UHRF1: variants seen among roughly 807,000 people sequenced by gnomAD.
The protein encoded by UHRF1 is ubiquitin like with PHD and ring finger domains 1, also known as E3 ubiquitin-protein ligase UHRF1.
Under a neutral mutation model 96.5 loss-of-function variants are expected in UHRF1, and 9 were observed. The observed-to-expected ratio is 0.09, with a 90% confidence interval of 0.06 to 0.16. The LOEUF is 0.16. UHRF1 is among the 10% of genes least tolerant of loss of function. The pLI, the probability that UHRF1 is intolerant of heterozygous loss-of-function variation, is 1.00. For synonymous variants in UHRF1, 455 were observed against 469.9 expected (o/e 0.97, Z 0.41); for missense variants, 626 against 1,131.1 (o/e 0.55, Z 6.40).
intron 2 of UHRF1, among the ~76,000 whole-genome samples, chr19:4,923,064 T>C (rs977473499): frequency 1.3e-5 from 2 of 151,976 alleles, no homozygotes; most frequent in Non-Finnish European, 2.9e-5. Flanking sequence ...GGCTGCCCAT[T>C]AGCCTGGCCA....
intron 5 of UHRF1, among the ~76,000 whole-genome samples, chr19:4,941,085 GTT>G (rs869250736): frequency 9.4e-4 from 47 of 50,080 alleles, no homozygotes; most frequent in Admixed American, 1.2e-3. Flanking sequence ...TCTGTGTTTT[GTT>G]TTTTTTTTTT....
At chr19:4,948,354 A>G (rs980506772) in intron 11 of UHRF1, among the ~76,000 whole-genome samples, 4 of 152,190 alleles carry the variant, frequency 2.6e-5, no homozygotes, top group Non-Finnish European at 4.4e-5. Context: ...TAAAGCCCAA[A>G]GGAAAAGACA....
intron 16 of UHRF1, among the ~76,000 whole-genome samples, chr19:4,959,254 C>T (rs747208639): frequency 8.8e-5 from 13 of 146,926 alleles, no homozygotes; most frequent in African/African-American, 1.7e-4. Flanking sequence ...CCCTTGAACC[C>T]GGGAGGTGGA....
chr19:4,941,080 GTTTTGT>G (rs1465259460), intron 5 of UHRF1, among the ~76,000 whole-genome samples: 1 of 112,846 alleles, frequency 8.9e-6, no homozygotes, highest in African/African-American at 3.8e-5. Flanking sequence ...TGGTTTCTGT[GTTTTGT>G]TTTTTTTTTT....
chr19:4,947,490 CTTTTTTTTTT>C (rs985069179), intron 11 of UHRF1, among the ~76,000 whole-genome samples: 1,859 of 57,872 alleles, frequency 0.032, 34 homozygotes, highest in South Asian at 0.084. Context: ...TAATAGATAT[CTTTTTTTTTT>C]TTTTTTTTTT....
chr19:4,924,604 A>C (rs2032808630), intron 2 of UHRF1, among the ~76,000 whole-genome samples: 1 of 152,060 alleles, frequency 6.6e-6, no homozygotes, highest in Non-Finnish European at 1.5e-5. Context: ...AAAAATTAAT[A>C]AACTTTATTT....
intron 11 of UHRF1, among the ~76,000 whole-genome samples, 186 bp downstream of exon 11, chr19:4,947,397 C>T (rs185412029): frequency 6.6e-6 from 1 of 151,022 alleles, no homozygotes; most frequent in East Asian, 2.0e-4. Flanking sequence ...GCCACTGCGC[C>T]TGGTCTGGTT....
intron 2 of UHRF1, among the ~76,000 whole-genome samples, chr19:4,918,871 A>G (rs1193392867): frequency 2.0e-5 from 3 of 151,152 alleles, no homozygotes; most frequent in Non-Finnish European, 2.9e-5. Context: ...TAGGCTGTAT[A>G]CTACTATACC....
chr19:4,910,742 G>A, intron 1 of UHRF1, 134 bp from the exon 2 acceptor site: 3 of 1,074,744 alleles, frequency 2.8e-6, no homozygotes, highest in Non-Finnish European at 3.9e-6. Flanking sequence ...GGCTGTACAG[G>A]AGGACTGGAA....
At chr19:4,960,252 A>G (rs2033955239) in intron 16 of UHRF1, among the ~76,000 whole-genome samples, 1 of 152,220 alleles carries the variant, frequency 6.6e-6, no homozygotes, top group African/African-American at 2.4e-5. Context: ...TGTTGTAGAT[A>G]AGATAAGCAC....
At chr19:4,907,027 C>T (rs2032078394), upstream of UHRF1, among the ~76,000 whole-genome samples, 1 of 152,208 alleles carries the variant, frequency 6.6e-6, no homozygotes, top group African/African-American at 2.4e-5. Flanking sequence ...CAGTGAACAG[C>T]ACCATCTGGA....
chr19:4,948,606 A>C (rs1445304934), intron 11 of UHRF1, among the ~76,000 whole-genome samples: 1 of 151,388 alleles, frequency 6.6e-6, no homozygotes, highest in Admixed American at 6.6e-5. Flanking sequence ...GTTCAAGACT[A>C]GCCTGGCCAA....
At chr19:4,943,495 G>GCCCCCCCC (rs368362097) in intron 7 of UHRF1, among the ~76,000 whole-genome samples, 16 of 133,208 alleles carry the variant, frequency 1.2e-4, no homozygotes, top group Non-Finnish European at 2.2e-4. Flanking sequence ...TTGTTGCCCT[G>GCCCCCCCC]CCCCCCCTCC....
chr19:4,934,932 CT>C (rs1423557202), intron 5 of UHRF1, among the ~76,000 whole-genome samples: 1 of 152,018 alleles, frequency 6.6e-6, no homozygotes, highest in Non-Finnish European at 1.5e-5. Context: ...TTCTGAGAAA[CT>C]ATCTGGATTG....
chr19:4,933,339 C>T (rs1412347692), intron 5 of UHRF1, among the ~76,000 whole-genome samples: 3 of 152,130 alleles, frequency 2.0e-5, no homozygotes, highest in Non-Finnish European at 4.4e-5. Flanking sequence ...CCTCAGCCTC[C>T]CGAGTAGCTG....
intron 15 of UHRF1, among the ~76,000 whole-genome samples, chr19:4,955,269 C>A (rs1340690584): frequency 1.3e-5 from 2 of 152,110 alleles, no homozygotes; most frequent in Non-Finnish European, 2.9e-5. Context: ...GGGCTGGGCC[C>A]TCCTGGGGGC....
At chr19:4,939,421 C>G (rs1276996996) in intron 5 of UHRF1, among the ~76,000 whole-genome samples, 1 of 151,710 alleles carries the variant, frequency 6.6e-6, no homozygotes, top group African/African-American at 2.4e-5. Flanking sequence ...GCTGTCTCAC[C>G]TAGGCTAGAG....
chr19:4,946,001 C>G, intron 10 of UHRF1, 36 bp downstream of exon 10: 1 of 1,444,040 alleles, frequency 6.9e-7, no homozygotes, highest in Non-Finnish European at 9.5e-7. Flanking sequence ...GGGAGGGTTG[C>G]TCTAGTTTTT....
intron 16 of UHRF1, among the ~76,000 whole-genome samples, chr19:4,958,030 C>T (rs748538422): frequency 2.0e-5 from 3 of 152,228 alleles, no homozygotes; most frequent in African/African-American, 2.4e-5. Flanking sequence ...GCCACACCCC[C>T]GGGTCTCAGA....
Sources: allele counts gnomAD v4.1 joint callset (sites outside exome capture counted in the v4.1 genomes callset), GRCh38; gene constraint gnomAD v4.1.1; transcripts MANE v1.5; gene names NCBI Gene and HGNC (gene_info 2026-07-23, HGNC 2026-07-21).